OTOGL: variants seen among roughly 807,000 people sequenced by gnomAD.
OTOGL encodes the protein otogelin like, also known as otogelin-like protein.
OTOGL carries 285 observed loss-of-function variants against 318.5 expected under a neutral mutation model. The observed-to-expected ratio is 0.89, with a 90% confidence interval of 0.81 to 0.99. The LOEUF (loss-of-function observed/expected upper bound fraction) is 0.99. Among genes scored for constraint, OTOGL ranks in the 50% least tolerant of loss-of-function variants. The probability of loss-of-function intolerance (pLI) is 0.00; values close to 1 mark genes in which losing one functional copy is unlikely to be tolerated. For missense variants in OTOGL, 2,899 were observed against 2,845.6 expected (o/e 1.02, Z -0.43); for synonymous variants, 987 against 936.5 (o/e 1.05, Z -0.99).
intron 1 of OTOGL, among the ~76,000 whole-genome samples, chr12:80,110,267 C>T (rs929354218): frequency 6.6e-6 from 1 of 152,028 alleles, no homozygotes; most frequent in Non-Finnish European, 1.5e-5. Context: ...TGGGGTTTCA[C>T]CGTGTTAGCC....
chr12:80,283,818 T>C (rs1884412382), intron 26 of OTOGL, among the ~76,000 whole-genome samples: 2 of 152,032 alleles, frequency 1.3e-5, no homozygotes, highest in South Asian at 4.1e-4. Flanking sequence ...AAAATATGAA[T>C]TCTGTTTTCA....
intron 43 of OTOGL, among the ~76,000 whole-genome samples, chr12:80,339,728 G>T (rs905680363): frequency 3.3e-5 from 5 of 151,850 alleles, no homozygotes; most frequent in Non-Finnish European, 7.4e-5. Flanking sequence ...GGGAAAACTT[G>T]TTTAAGTCAT....
chr12:80,369,257 A>T (rs931524622), intron 55 of OTOGL, among the ~76,000 whole-genome samples: 3 of 152,090 alleles, frequency 2.0e-5, no homozygotes, highest in Non-Finnish European at 2.9e-5. Context: ...ATGTTTAAAA[A>T]TATCTAAGAG....
intron 38 of OTOGL, among the ~76,000 whole-genome samples, chr12:80,334,515 T>G (rs1888274614): frequency 6.6e-6 from 1 of 151,648 alleles, no homozygotes. Flanking sequence ...TGAGACTGGG[T>G]GAGATAGTAA....
chr12:80,377,129 G>T lies in OTOGL; in HGVS notation c.6788G>T (p.Arg2263Leu), dbSNP rs759534300. The change falls in exon 58 of 59, where the codon CGA (arginine) becomes CTA (leucine). Residue 2263 changes from arginine to leucine, a missense_variant. Physicochemically the swap from Arg to Leu is moderately radical, Grantham distance 102. Coordinates refer to ENST00000547103, the MANE Select transcript of OTOGL (RefSeq NM_001378609.3). ...ACATTTTATATTTTATCAGGCAAAC[G>T]AGAAGAAAGAATATGCCAGAAAGTG... ...YNEGCCKICK[R>L]EERICQKVII... 2 of 1,603,410 alleles carry T rather than the reference G, an allele frequency of 1.2e-6. No homozygotes were observed.
chr12:80,345,768 CT>C (rs1889160669), intron 44 of OTOGL, among the ~76,000 whole-genome samples: 1 of 151,992 alleles, frequency 6.6e-6, no homozygotes, highest in South Asian at 2.1e-4. Context: ...CCTACTAGTA[CT>C]TTCAGACTCT....
At position 80,353,361 on chromosome 12, in the gene OTOGL, G is replaced by A. The variant is rs749692007; in HGVS notation, c.5444G>A (p.Cys1815Tyr). ...SCPEGKEYQP[C>Y]VRPCEARTCL... The stretch of plus-strand genomic sequence containing the variant: ...CCAGAGGGGAAGGAATATCAACCCT[G>A]TGTGCGACCTTGTGAAGCAAGAACA... The change falls in exon 46 of 59, where the codon TGT (cysteine) becomes TAT (tyrosine). Residue 1815 changes from cysteine to tyrosine, a missense_variant. Coordinates refer to ENST00000547103, the MANE Select transcript of OTOGL (RefSeq NM_001378609.3). 2 of 1,597,436 alleles carry A rather than the reference G, an allele frequency of 1.3e-6. No individual in the cohort carries two copies. Among genetic ancestry groups the A allele is most frequent in the Admixed American group, 1.7e-5 (1 of 58,010 alleles).
chr12:80,230,898 T>C (rs1054011911), intron 8 of OTOGL, among the ~76,000 whole-genome samples: 8 of 152,234 alleles, frequency 5.3e-5, no homozygotes, highest in African/African-American at 1.9e-4. Context: ...GTTTCCTGCC[T>C]AGGTTGCATG....
chr12:80,149,789 C>T (rs1044127365), intron 1 of OTOGL, among the ~76,000 whole-genome samples: 4 of 152,154 alleles, frequency 2.6e-5, no homozygotes, highest in African/African-American at 4.8e-5. Flanking sequence ...TTTTTAAGCC[C>T]GTCGGAAAAG....
intron 12 of OTOGL, 52 bp from the exon 13 acceptor site, chr12:80,252,024 A>G: frequency 1.4e-6 from 2 of 1,419,222 alleles, no homozygotes; most frequent in Non-Finnish European, 1.9e-6. Context: ...ATTTTAAAAA[A>G]GAAATAGAGG....
intron 44 of OTOGL, chr12:80,343,577 G>A (rs1888974525): frequency 1.1e-5 from 1 of 88,174 alleles, no homozygotes; most frequent in Admixed American, 1.5e-4. Context: ...TTCTTTGGAG[G>A]TTCTAGCAGG....
intron 57 of OTOGL, 74 bp downstream of exon 57, chr12:80,372,138 C>A: frequency 9.4e-7 from 1 of 1,067,888 alleles, no homozygotes; most frequent in Non-Finnish European, 1.3e-6. Context: ...TGGTTTTTCT[C>A]ACAAAATTCA....
At chr12:80,233,215 C>T in intron 9 of OTOGL, 118 bp downstream of exon 9, 1 of 864,162 alleles carries the variant, frequency 1.2e-6, no homozygotes, top group South Asian at 1.9e-5. Context: ...CTGTCACTTG[C>T]CTGCTTTAGT....
At chr12:80,299,854 C>T (rs893000450) in intron 27 of OTOGL, among the ~76,000 whole-genome samples, 1 of 152,072 alleles carries the variant, frequency 6.6e-6, no homozygotes, top group Non-Finnish European at 1.5e-5. Flanking sequence ...TAATGAGAAG[C>T]ATTATTTAAG....
chr12:80,316,005 AATTT>A (rs1302375679), intron 32 of OTOGL, among the ~76,000 whole-genome samples: 9 of 112,192 alleles, frequency 8.0e-5, no homozygotes, highest in African/African-American at 1.8e-4. Context: ...TAGATCATAT[AATTT>A]AAACTTCAAA....
intron 35 of OTOGL, among the ~76,000 whole-genome samples, chr12:80,326,891 A>G (rs1887708658): frequency 6.6e-6 from 1 of 152,198 alleles, no homozygotes; most frequent in Non-Finnish European, 1.5e-5. Flanking sequence ...TCTGAGCAGC[A>G]TTTACCTTTA....
intron 1 of OTOGL, among the ~76,000 whole-genome samples, chr12:80,148,606 G>T (rs1431979522): frequency 6.6e-6 from 1 of 151,948 alleles, no homozygotes; most frequent in Admixed American, 6.6e-5. Context: ...GGCCTGCCTT[G>T]CTAGATTGGG....
chr12:80,256,407 T>C lies in OTOGL; in HGVS notation c.1658T>C (p.Leu553Pro). 1 of 1,592,970 alleles carries C rather than the reference T, an allele frequency of 6.3e-7. No individual in the cohort carries two copies. Among genetic ancestry groups the C allele is most frequent in the East Asian group, 2.2e-5 (1 of 44,772 alleles). ...LEDDFNKQVT[L>P]GRGGQILTSP... ...GATGATTTTAACAAACAAGTGACCC[T>C]TGGTAGGGGAGGACAAATTCTCACT... The change falls in exon 17 of 59, where the codon CTT becomes CCT. Residue 553 changes from leucine (L) to proline (P), a missense_variant. Coordinates refer to ENST00000547103, the MANE Select transcript of OTOGL (RefSeq NM_001378609.3).
intron 13 of OTOGL, 22 bp from the exon 14 acceptor site, chr12:80,253,444 A>C (rs1457021139): frequency 6.4e-7 from 1 of 1,553,464 alleles, no homozygotes; most frequent in Non-Finnish European, 8.9e-7. Context: ...TGAAATTTTG[A>C]TGTGTATTTC....
Sources: allele counts gnomAD v4.1 joint callset (sites outside exome capture counted in the v4.1 genomes callset), GRCh38; gene constraint gnomAD v4.1.1; transcripts MANE v1.5; gene names NCBI Gene and HGNC (gene_info 2026-07-23, HGNC 2026-07-21).